The following KLF12 variants were observed in gnomAD, a reference collection of about 807,000 sequenced individuals.
The protein encoded by KLF12 is Krueppel-like factor 12.
KLF12 carries 9 observed loss-of-function variants against 37.8 expected under a neutral mutation model. The observed-to-expected ratio is 0.24, with a 90% confidence interval of 0.14 to 0.42. The LOEUF is 0.42. KLF12 is among the 10% of genes least tolerant of loss of function. KLF12 has a pLI of 1.00. For synonymous variants in KLF12, 208 were observed against 202.1 expected (o/e 1.03, Z -0.25); for missense variants, 411 against 516.0 (o/e 0.80, Z 1.97).
At chr13:74,267,974 G>T in the KLF12 span, among the ~76,000 whole-genome samples, 4,926 of 152,184 alleles carry the variant, frequency 0.032, 118 homozygotes, top group Middle Eastern at 0.071. Flanking sequence ...AGGATACCTG[G>T]GGTCACTAGA....
chr13:73,811,281 A>G (rs78986972), intron 5 of KLF12, among the ~76,000 whole-genome samples: 2,780 of 152,042 alleles, frequency 0.018, 93 homozygotes, highest in African/African-American at 0.063. Flanking sequence ...CAATGTTTTT[A>G]TAAGTGCTCA....
chr13:74,062,485 TA>T (rs2138656381), intron 1 of KLF12, among the ~76,000 whole-genome samples: 1 of 134,250 alleles, frequency 7.4e-6, no homozygotes, highest in South Asian at 3.2e-4. Context: ...ACTGAGCCCA[TA>T]AGGCAAGAGT....
chr13:74,057,638 A>C (rs1052095035), intron 1 of KLF12, among the ~76,000 whole-genome samples: 1 of 152,242 alleles, frequency 6.6e-6, no homozygotes, highest in African/African-American at 2.4e-5. Flanking sequence ...AGAAGAGACA[A>C]GTCAATTCAA....
chr13:73,782,741 T>C (rs996284082), intron 5 of KLF12, among the ~76,000 whole-genome samples: 1 of 152,224 alleles, frequency 6.6e-6, no homozygotes, highest in African/African-American at 2.4e-5. Flanking sequence ...GACTTTAGTT[T>C]CTTTTTAGTT....
At chr13:73,724,897 T>C (rs775389805) in intron 6 of KLF12, among the ~76,000 whole-genome samples, 5 of 152,144 alleles carry the variant, frequency 3.3e-5, no homozygotes, top group East Asian at 1.9e-4. Flanking sequence ...TTTTACTTAG[T>C]AGGAAGGAAA....
intron 6 of KLF12, among the ~76,000 whole-genome samples, chr13:73,756,463 T>C (rs1179247936): frequency 1.3e-5 from 2 of 152,142 alleles, no homozygotes; most frequent in Non-Finnish European, 2.9e-5. Flanking sequence ...TTCATACATT[T>C]TGGCTACTCG....
intron 4 of KLF12, among the ~76,000 whole-genome samples, chr13:73,845,437 G>A (rs1034443732): frequency 1.3e-5 from 2 of 151,866 alleles, no homozygotes; most frequent in African/African-American, 4.8e-5. Context: ...AGAAACATCC[G>A]GATTTACTTA....
chr13:73,763,453 C>G (rs1054951372), intron 6 of KLF12, among the ~76,000 whole-genome samples: 1 of 152,176 alleles, frequency 6.6e-6, no homozygotes, highest in African/African-American at 2.4e-5. Context: ...GTTGAATTTT[C>G]TCAAGGCCAG....
chr13:73,840,049 C>T (rs1035736822), intron 4 of KLF12, among the ~76,000 whole-genome samples: 6 of 152,148 alleles, frequency 3.9e-5, no homozygotes, highest in Non-Finnish European at 7.4e-5. Flanking sequence ...CAACTTACTT[C>T]AGGCAGTCTT....
intron 1 of KLF12, among the ~76,000 whole-genome samples, chr13:74,091,484 T>A (rs1875655681): frequency 6.6e-6 from 1 of 152,220 alleles, no homozygotes; most frequent in African/African-American, 2.4e-5. Flanking sequence ...GTAAGTTTCC[T>A]CTATGTCTTG....
At chr13:73,856,537 T>C (rs1415651875) in intron 3 of KLF12, among the ~76,000 whole-genome samples, 2 of 148,168 alleles carry the variant, frequency 1.3e-5, no homozygotes, top group African/African-American at 2.5e-5. Flanking sequence ...CCCTCCTCCA[T>C]ACACGCACCC....
At chr13:74,222,251 T>C in the KLF12 span, among the ~76,000 whole-genome samples, 1 of 152,260 alleles carries the variant, frequency 6.6e-6, no homozygotes, top group Non-Finnish European at 1.5e-5. Flanking sequence ...AACCAAGTTC[T>C]GGATGGCAGT....
At chr13:73,732,443 T>C (rs1186481001) in intron 6 of KLF12, among the ~76,000 whole-genome samples, 1 of 152,076 alleles carries the variant, frequency 6.6e-6, no homozygotes, top group Non-Finnish European at 1.5e-5. Flanking sequence ...TCATGTTAAG[T>C]AACTCACCCA....
chr13:73,762,410 G>A (rs1879623111), intron 6 of KLF12, among the ~76,000 whole-genome samples: 2 of 152,176 alleles, frequency 1.3e-5, no homozygotes, highest in African/African-American at 4.8e-5. Context: ...ATAAACACTG[G>A]TTTGGGAACT....
chr13:73,814,928 T>C (rs540043008), intron 4 of KLF12, among the ~76,000 whole-genome samples: 1 of 152,126 alleles, frequency 6.6e-6, no homozygotes, highest in South Asian at 2.1e-4. Context: ...AGTCTGGACA[T>C]AAAAACGTGT....
At chr13:73,716,889 G>A (rs1875854782) in intron 6 of KLF12, among the ~76,000 whole-genome samples, 1 of 152,024 alleles carries the variant, frequency 6.6e-6, no homozygotes, top group Non-Finnish European at 1.5e-5. Flanking sequence ...TCCAAAATCA[G>A]AATGCTTCTT....
intron 3 of KLF12, among the ~76,000 whole-genome samples, chr13:73,884,006 G>A (rs949301123): frequency 2.0e-5 from 3 of 152,094 alleles, no homozygotes; most frequent in Admixed American, 6.5e-5. Context: ...CGAATTTAAC[G>A]CAGTTGGGAA....
chr13:73,833,655 A>G lies in KLF12; in HGVS notation c.670+12172T>C, dbSNP rs1192307485. On this transcript the variant is annotated intron_variant, in intron 4 of 7. Coordinates refer to ENST00000377669, the MANE Select transcript of KLF12 (RefSeq NM_007249.5). ...TATGTACTGTTTCAGAAAAGAAGGC[A>G]TTTGAGCCAGATCTTTTGTCAGAGA... is the stretch of plus-strand genomic sequence containing the variant. 2.0e-5 allele frequency among the ~76,000 whole-genome samples: 3 copies of G among 152,126 alleles called. No individual in the cohort carries two copies. In the East Asian group the frequency reaches 5.8e-4, roughly 29 times the overall value.
chr13:73,777,940 T>C (rs1197749133), intron 5 of KLF12, among the ~76,000 whole-genome samples: 2 of 152,028 alleles, frequency 1.3e-5, no homozygotes, highest in African/African-American at 4.8e-5. Flanking sequence ...GAGACCAGCC[T>C]GGCCAACATG....
Sources: allele counts gnomAD v4.1 joint callset (sites outside exome capture counted in the v4.1 genomes callset), GRCh38; gene constraint gnomAD v4.1.1; transcripts MANE v1.5; gene names NCBI Gene and HGNC (gene_info 2026-07-23, HGNC 2026-07-21).